C2orf76: variants seen among roughly 807,000 people sequenced by gnomAD.
C2orf76 encodes chromosome 2 open reading frame 76, also known as UPF0538 protein C2orf76.
C2orf76 carries 23 observed loss-of-function variants against 16.9 expected under a neutral mutation model. The ratio of observed to expected loss-of-function variants is 1.36; its 90% confidence interval spans 0.98 to 1.93. C2orf76 has a LOEUF of 1.93. C2orf76 is among the 30% of genes most tolerant of loss of function. The pLI is 0.00. For missense variants in C2orf76, 152 were observed against 152.6 expected (o/e 1.00, Z 0.02); for synonymous variants, 48 against 52.3 (o/e 0.92, Z 0.35).
intron 2 of C2orf76, among the ~76,000 whole-genome samples, chr2:119,322,398 G>A (rs1416369426): frequency 6.6e-6 from 1 of 152,004 alleles, no homozygotes. Flanking sequence ...TGTGGAGATG[G>A]GGTTTTGTCA....
chr2:119,366,648 A>T, intron 1 of C2orf76, 142 bp downstream of exon 1: 1 of 415,420 alleles, frequency 2.4e-6, no homozygotes, highest in Non-Finnish European at 4.6e-6. Context: ...AAGGAAAGAA[A>T]AGAAACATAA....
At chr2:119,326,934 G>C (rs954016419) in intron 2 of C2orf76, among the ~76,000 whole-genome samples, 1 of 152,014 alleles carries the variant, frequency 6.6e-6, no homozygotes, top group Admixed American at 6.5e-5. Flanking sequence ...AGCTCAGTTT[G>C]TAAGTTCTGG....
At chr2:119,325,319 G>A (rs1389419421) in intron 2 of C2orf76, among the ~76,000 whole-genome samples, 5 of 151,972 alleles carry the variant, frequency 3.3e-5, no homozygotes, top group Admixed American at 3.3e-4. Context: ...AATTAGCCAG[G>A]CGTGGTGGCG....
At chr2:119,348,048 A>G (rs1680262103) in intron 1 of C2orf76, among the ~76,000 whole-genome samples, 1 of 22,682 alleles carries the variant, frequency 4.4e-5, no homozygotes, top group Non-Finnish European at 9.2e-5. Context: ...CTCTGTCTCA[A>G]AAAAAAAAAA....
intron 1 of C2orf76, among the ~76,000 whole-genome samples, chr2:119,364,373 A>C (rs1680856665): frequency 6.6e-6 from 1 of 152,218 alleles, no homozygotes; most frequent in African/African-American, 2.4e-5. Context: ...CTCTGCTTCC[A>C]AAGCTGGGAG....
At chr2:119,345,537 T>C (rs1475153061) in intron 1 of C2orf76, among the ~76,000 whole-genome samples, 5 of 152,208 alleles carry the variant, frequency 3.3e-5, no homozygotes, top group Admixed American at 2.0e-4. Context: ...AATTATTTTA[T>C]AAACCCATGG....
chr2:119,302,851 C>T (rs866650902), intron 5 of C2orf76, among the ~76,000 whole-genome samples: 6 of 152,154 alleles, frequency 3.9e-5, no homozygotes, highest in Middle Eastern at 3.4e-3. Context: ...CATAAAATTG[C>T]TCATTTACAG....
At chr2:119,300,830 C>T (rs74494945), downstream of C2orf76, among the ~76,000 whole-genome samples, 2,481 of 152,220 alleles carry the variant, frequency 0.016, 61 homozygotes, top group African/African-American at 0.055. Context: ...TGTATGGGTA[C>T]TCAGTGTTTC....
chr2:119,317,510 G>A lies in C2orf76; in HGVS notation c.185-7C>T. On this transcript the variant is annotated splice_polypyrimidine_tract_variant and splice_region_variant and intron_variant, in intron 3 of 5. Coordinates refer to ENST00000334816, the MANE Select transcript of C2orf76 (RefSeq NM_001322331.2). ...TGAATAATCTTTAGTGCATCTGAAA[G>A]AAAAAAGCAAGTTATCTTTTTACAC... 6.2e-7 allele frequency: 1 copy of A among 1,601,812 alleles called. No homozygotes were observed. The highest frequency in any genetic ancestry group is 1.7e-5 in the Admixed American group (1 of 59,176).
chr2:119,324,728 C>G (rs1321071893), intron 2 of C2orf76, among the ~76,000 whole-genome samples: 1 of 152,142 alleles, frequency 6.6e-6, no homozygotes, highest in Non-Finnish European at 1.5e-5. Flanking sequence ...CCTCTCGACT[C>G]CCCTCCTGCA....
the C2orf76 span, among the ~76,000 whole-genome samples, chr2:119,293,345 C>T: frequency 1.3e-5 from 2 of 152,186 alleles, no homozygotes; most frequent in East Asian, 3.9e-4. Context: ...GTAGAAAAGT[C>T]ACTGCAAACA....
intron 2 of C2orf76, among the ~76,000 whole-genome samples, chr2:119,339,426 C>A (rs1195490075): frequency 6.6e-6 from 1 of 152,168 alleles, no homozygotes; most frequent in Non-Finnish European, 1.5e-5. Context: ...TGTACAGCCT[C>A]CGCTCCCCTC....
intron 1 of C2orf76, among the ~76,000 whole-genome samples, chr2:119,359,514 G>A (rs147615608): frequency 2.0e-5 from 3 of 152,312 alleles, no homozygotes; most frequent in Non-Finnish European, 2.9e-5. Flanking sequence ...CATTCTAAAG[G>A]CCATTAAAAA....
chr2:119,308,705 A>G (rs1252849534), intron 5 of C2orf76, among the ~76,000 whole-genome samples: 5 of 152,198 alleles, frequency 3.3e-5, no homozygotes, highest in Non-Finnish European at 5.9e-5. Flanking sequence ...TTCTATTTCT[A>G]TTCAATAAAT....
At chr2:119,325,290 T>C (rs1056281361) in intron 2 of C2orf76, among the ~76,000 whole-genome samples, 6 of 151,816 alleles carry the variant, frequency 4.0e-5, no homozygotes, top group Admixed American at 3.3e-4. Flanking sequence ...TGAAACCCCA[T>C]CTCTACTAAA....
chr2:119,308,830 T>C (rs986481270), intron 5 of C2orf76, among the ~76,000 whole-genome samples: 1 of 152,168 alleles, frequency 6.6e-6, no homozygotes, highest in East Asian at 1.9e-4. Context: ...ACAAGTACCA[T>C]TGAAATTCAA....
At chr2:119,301,011 C>A (rs1057152054), downstream of C2orf76, among the ~76,000 whole-genome samples, 1 of 151,780 alleles carries the variant, frequency 6.6e-6, no homozygotes, top group Non-Finnish European at 1.5e-5. Flanking sequence ...CCTTTCCCTT[C>A]TTTTCTTCTA....
At chr2:119,362,650 C>T (rs532065763) in intron 1 of C2orf76, among the ~76,000 whole-genome samples, 175 of 152,238 alleles carry the variant, frequency 1.1e-3, no homozygotes, top group Non-Finnish European at 2.0e-3. Flanking sequence ...CTAAACAGAG[C>T]GCAGGCAGCA....
chr2:119,315,128 C>T (rs1390957445), intron 4 of C2orf76, among the ~76,000 whole-genome samples: 1 of 152,008 alleles, frequency 6.6e-6, no homozygotes, highest in African/African-American at 2.4e-5. Flanking sequence ...TTATTTCAAT[C>T]TTAATAGAAA....
Sources: gnomAD v4.1 joint callset for allele counts (sites outside exome capture counted in the v4.1 genomes callset) on GRCh38, gnomAD v4.1.1 for gene constraint, MANE v1.5 for transcripts, NCBI Gene and HGNC (gene_info 2026-07-23, HGNC 2026-07-21) for gene names.